Variants in COLEC10 observed in about 807,000 individuals in gnomAD.
COLEC10 encodes the protein collectin-10.
COLEC10 carries 22 observed loss-of-function variants against 28.4 expected under a neutral mutation model. The observed-to-expected ratio is 0.78, with a 90% CI of 0.55 to 1.11. The LOEUF (loss-of-function observed/expected upper bound fraction) is 1.11. Among genes scored for constraint, COLEC10 ranks in the 50% least tolerant of loss-of-function variants. The pLI is 0.00. For missense variants in COLEC10, 361 were observed against 344.1 expected (o/e 1.05, Z -0.39); for synonymous variants, 125 against 116.1 (o/e 1.08, Z -0.49).
rs1815985253 is a variant in COLEC10, at chr8:119,107,963, T to C, written c.*1772T>C. On this transcript the variant is annotated 3_prime_UTR_variant, in exon 6 of 6. Coordinates refer to ENST00000332843, the MANE Select transcript of COLEC10 (RefSeq NM_006438.5). ...AGTCTTCTAGCTAAAGTTGTGATCA[T>C]TTCATTTCTTACTTCTGGAGGAAGG... Among the ~76,000 whole-genome samples, 3 of 152,176 alleles carry C rather than the reference T, an allele frequency of 2.0e-5. No homozygotes were observed. Among genetic ancestry groups the C allele is most frequent in the Admixed American group, 1.3e-4 (2 of 15,268 alleles).
intron 2 of COLEC10, among the ~76,000 whole-genome samples, chr8:119,032,322 G>T (rs1434114667): frequency 6.6e-6 from 1 of 152,152 alleles, no homozygotes; most frequent in Admixed American, 6.5e-5. Flanking sequence ...TACGGTTTTT[G>T]TGCATTACGA....
intron 2 of COLEC10, among the ~76,000 whole-genome samples, chr8:119,050,101 G>A (rs1453949353): frequency 6.6e-6 from 1 of 152,172 alleles, no homozygotes; most frequent in Non-Finnish European, 1.5e-5. Context: ...GGCTTTATGT[G>A]AGAATTTAGT....
chr8:118,972,397 T>A, the COLEC10 span, among the ~76,000 whole-genome samples: 1 of 151,952 alleles, frequency 6.6e-6, no homozygotes, highest in Non-Finnish European at 1.5e-5. Context: ...TCTTACCATC[T>A]CCCAGGGAGA....
intron 1 of COLEC10, among the ~76,000 whole-genome samples, chr8:119,081,315 C>T (rs2450074): frequency 0.68 from 102,847 of 151,578 alleles, 35,611 homozygotes; most frequent in African/African-American, 0.81. Context: ...ATAATCTGGA[C>T]ATTTTCATCT....
the COLEC10 span, among the ~76,000 whole-genome samples, chr8:118,981,124 G>T: frequency 6.6e-6 from 1 of 151,918 alleles, no homozygotes; most frequent in Non-Finnish European, 1.5e-5. Context: ...AATAGGGAGT[G>T]GTGGGGCCTG....
At chr8:119,040,261 C>T (rs866525488) in intron 2 of COLEC10, among the ~76,000 whole-genome samples, 113 of 152,214 alleles carry the variant, frequency 7.4e-4, no homozygotes, top group African/African-American at 2.6e-3. Flanking sequence ...CAATGACATA[C>T]GACTTTAATT....
At chr8:119,000,362 A>G (rs1813671669) in intron 1 of COLEC10, among the ~76,000 whole-genome samples, 1 of 152,130 alleles carries the variant, frequency 6.6e-6, no homozygotes, top group Admixed American at 6.6e-5. Flanking sequence ...TGGAGTGCCA[A>G]TTTGAGACTT....
chr8:119,083,620 C>G (rs2450068), intron 1 of COLEC10, among the ~76,000 whole-genome samples: 95,350 of 151,992 alleles, frequency 0.63, 30,447 homozygotes, highest in Middle Eastern at 0.74. Flanking sequence ...CATAATCTTA[C>G]TTAATCTTTA....
chr8:118,994,990 G>A (rs915171645), upstream of COLEC10, among the ~76,000 whole-genome samples: 1 of 151,740 alleles, frequency 6.6e-6, no homozygotes, highest in Non-Finnish European at 1.5e-5. Flanking sequence ...TGGGCAAAAG[G>A]GGAAAAAAAG....
At chr8:119,056,187 A>G (rs1381006167) in intron 2 of COLEC10, among the ~76,000 whole-genome samples, 1 of 151,906 alleles carries the variant, frequency 6.6e-6, no homozygotes, top group Non-Finnish European at 1.5e-5. Flanking sequence ...CTTCTCTGTA[A>G]CCCCATTGTT....
chr8:118,985,359 G>T, the COLEC10 span, among the ~76,000 whole-genome samples: 67 of 152,100 alleles, frequency 4.4e-4, no homozygotes, highest in African/African-American at 1.5e-3. Context: ...ATGATTCTGC[G>T]ATGATCACTA....
chr8:118,982,071 A>G, the COLEC10 span, among the ~76,000 whole-genome samples: 1 of 152,098 alleles, frequency 6.6e-6, no homozygotes, highest in African/African-American at 2.4e-5. Flanking sequence ...AGAAGAACAG[A>G]CTAGCTCAGT....
At chr8:119,052,565 C>T (rs1294145095) in intron 2 of COLEC10, among the ~76,000 whole-genome samples, 1 of 152,030 alleles carries the variant, frequency 6.6e-6, no homozygotes, top group East Asian at 1.9e-4. Flanking sequence ...TTCATTATGT[C>T]CTCTTAAAGT....
chr8:119,051,812 T>A (rs998283715), intron 2 of COLEC10, among the ~76,000 whole-genome samples: 4 of 152,166 alleles, frequency 2.6e-5, no homozygotes, highest in African/African-American at 9.7e-5. Flanking sequence ...AGTTAAAGAT[T>A]CTGAATCTAG....
chr8:119,083,427 G>A (rs1207852456), intron 1 of COLEC10, among the ~76,000 whole-genome samples: 2 of 152,158 alleles, frequency 1.3e-5, no homozygotes, highest in Admixed American at 1.3e-4. Flanking sequence ...TGTGGATACG[G>A]TCTAAACCAT....
chr8:119,069,623 AAAAAAAATATATATATATATATAT>A lies in COLEC10; in HGVS notation c.148+2196_148+2219del, dbSNP rs1450798656. The stretch of plus-strand genomic sequence containing the variant: ...CCCATCTCAAAAAAAAAAAAAAAAA[AAAAAAAATATATATATATATATAT>A]ATATATATATATATGTAAACTGCCA... On this transcript the variant is annotated intron_variant, in intron 1 of 5. Coordinates refer to ENST00000332843, the MANE Select transcript of COLEC10 (RefSeq NM_006438.5). 7.2e-4 allele frequency among the ~76,000 whole-genome samples: 39 copies of A among 54,354 alleles called. 1 individual carries two copies. Among genetic ancestry groups the A allele is most frequent in the African/African-American group, 2.5e-3 (31 of 12,252 alleles). The allele number at this position is 54,354 out of a possible 152,430, so 35.7% of individuals were successfully genotyped here. A position where few individuals can be genotyped will look rare whatever the true frequency, so the allele number is the denominator to read the frequency against.
the COLEC10 span, among the ~76,000 whole-genome samples, chr8:118,984,829 G>A: frequency 6.6e-6 from 1 of 152,166 alleles, no homozygotes; most frequent in African/African-American, 2.4e-5. Flanking sequence ...CCATGTGGCT[G>A]AAGAAGCCTC....
intron 2 of COLEC10, among the ~76,000 whole-genome samples, chr8:119,019,905 T>G (rs754968020): frequency 1.3e-5 from 2 of 152,198 alleles, no homozygotes; most frequent in Non-Finnish European, 2.9e-5. Flanking sequence ...TCTGGCTTCA[T>G]GAAAGTAACA....
intron 1 of COLEC10, among the ~76,000 whole-genome samples, chr8:118,996,737 C>T (rs958779885): frequency 2.6e-5 from 4 of 152,144 alleles, no homozygotes; most frequent in African/African-American, 9.7e-5. Flanking sequence ...TTAATCGGCT[C>T]ATGGTTCTCC....
Sources: gnomAD v4.1 joint callset for allele counts (sites outside exome capture counted in the v4.1 genomes callset) on GRCh38, gnomAD v4.1.1 for gene constraint, MANE v1.5 for transcripts, NCBI Gene and HGNC (gene_info 2026-07-23, HGNC 2026-07-21) for gene names.